Variants in WWP1 observed in about 807,000 individuals in gnomAD.
WWP1 encodes WW domain containing E3 ubiquitin protein ligase 1, also known as NEDD4-like E3 ubiquitin-protein ligase WWP1.
WWP1 carries 49 observed loss-of-function variants against 130.6 expected under a neutral mutation model. The ratio of observed to expected loss-of-function variants is 0.38; its 90% CI spans 0.30 to 0.48. WWP1 has a LOEUF of 0.48. Ranked by LOEUF, WWP1 falls within the 20% of genes least tolerant of loss-of-function variation. The pLI is 0.99. For synonymous variants in WWP1, 332 were observed against 367.8 expected (o/e 0.90, Z 1.11); for missense variants, 809 against 1,100.6 (o/e 0.74, Z 3.75).
intron 1 of WWP1, among the ~76,000 whole-genome samples, chr8:86,344,949 AT>A (rs1822483014): frequency 1.3e-5 from 2 of 152,020 alleles, no homozygotes; most frequent in African/African-American, 4.8e-5. Flanking sequence ...TCCACAGATG[AT>A]TTTGAATTGG....
In WWP1 at chr8:86,466,802, G is replaced by C; in HGVS notation, c.2678G>C (p.Arg893Pro). 6.4e-7 allele frequency: 1 copy of C among 1,571,314 alleles called. No individual in the cohort carries two copies. Among genetic ancestry groups the C allele is most frequent in the Admixed American group, 2.0e-5 (1 of 49,364 alleles). ...TTTTTGTTTCTGTTCAGTTTTAATC[G>C]CTTGGATCTACCACCATATAAGAGT... ...WLPRSHTCFNRLDLPPYKSYE... is the reference protein window; with the variant it reads ...WLPRSHTCFNPLDLPPYKSYE... The change falls in exon 25 of 25, where the codon CGC becomes CCC. Residue 893 changes from arginine to proline, a missense_variant. By Grantham distance (103) the Arg-to-Pro change is moderately radical. Coordinates refer to ENST00000517970, the MANE Select transcript of WWP1 (RefSeq NM_007013.4).
intron 21 of WWP1, 39 bp from the exon 22 acceptor site, chr8:86,457,882 A>G: frequency 6.3e-7 from 1 of 1,579,676 alleles, no homozygotes; most frequent in Non-Finnish European, 8.7e-7. Context: ...TCTCTTCACT[A>G]AATCTTTATT....
intron 5 of WWP1, among the ~76,000 whole-genome samples, chr8:86,389,658 T>G (rs920262380): frequency 1.3e-4 from 20 of 152,250 alleles, no homozygotes; most frequent in African/African-American, 2.4e-5. Context: ...CCGTTCTCAA[T>G]GAGCTGTTGG....
intron 1 of WWP1, among the ~76,000 whole-genome samples, chr8:86,357,060 G>A (rs1316692325): frequency 1.3e-5 from 2 of 151,326 alleles, no homozygotes; most frequent in Admixed American, 1.3e-4. Flanking sequence ...GAAAATAATT[G>A]TATAAATCAT....
chr8:86,373,519 G>T (rs1034169041), intron 2 of WWP1, among the ~76,000 whole-genome samples: 11 of 152,018 alleles, frequency 7.2e-5, no homozygotes, highest in African/African-American at 2.7e-4. Context: ...GTCTTGTCTG[G>T]ATAGAGATTT....
rs140197989 is a variant in WWP1, at chr8:86,465,182, G to C, written c.2670-1612G>C. Among the ~76,000 whole-genome samples the C allele has an allele frequency of 9.9e-3, 1,504 of 152,250 alleles. 28 individuals are homozygous for C. The highest frequency in any genetic ancestry group is 0.034 in the African/African-American group (1,429 of 41,544). On this transcript the variant is annotated intron_variant, in intron 24 of 24. Coordinates refer to ENST00000517970, the MANE Select transcript of WWP1 (RefSeq NM_007013.4). ...AAAATTGGATTGCTCACTTGGATTA[G>C]AGCATGAAACAAGTTGACAGCAAAG...
intron 1 of WWP1, among the ~76,000 whole-genome samples, chr8:86,365,252 T>C (rs1823906567): frequency 6.6e-6 from 1 of 152,194 alleles, no homozygotes; most frequent in Admixed American, 6.5e-5. Context: ...GAAAAATACA[T>C]TTTTCTCATA....
At chr8:86,465,853 TAAAATACAAAGAATACA>T (rs1563559476) in intron 24 of WWP1, among the ~76,000 whole-genome samples, 2 of 152,216 alleles carry the variant, frequency 1.3e-5, no homozygotes, top group Non-Finnish European at 2.9e-5. Context: ...TAACTTCATT[TAAAATACAAAGAATACA>T]GTCTTAGAAC....
At chr8:86,361,982 A>C (rs1214370323) in intron 1 of WWP1, among the ~76,000 whole-genome samples, 1 of 141,314 alleles carries the variant, frequency 7.1e-6, no homozygotes, top group Non-Finnish European at 1.5e-5. Context: ...GTGTATATAT[A>C]TATATATATA....
rs866505875 is a variant in WWP1 at position 86,372,027 on chromosome 8, T to G, written c.-21-2003T>G. Among the ~76,000 whole-genome samples the G allele has an allele frequency of 4.0e-3, 564 of 139,728 alleles. 8 individuals are homozygous for G. The East Asian group carries it at 0.063, about 16-fold the overall frequency. The allele number at this position is 139,728 out of a possible 152,430, so 91.7% of individuals were successfully genotyped here. On this transcript the variant is annotated intron_variant, in intron 2 of 24. Coordinates refer to ENST00000517970, the MANE Select transcript of WWP1 (RefSeq NM_007013.4). The stretch of plus-strand genomic sequence containing the variant: ...CTGGCTAATTTTTGTATTTTTTTTT[T>G]TTTTTTTTTTTTTTGAGACGGAGTT...
rs79187658 is a variant in WWP1 at position 86,465,296 on chromosome 8, G to C, written c.2670-1498G>C. Among the ~76,000 whole-genome samples the C allele has an allele frequency of 2.0e-3, 301 of 151,340 alleles. 1 individual carries two copies. Among genetic ancestry groups the C allele is most frequent in the African/African-American group, 7.1e-3 (294 of 41,350 alleles). On this transcript the variant is annotated intron_variant, in intron 24 of 24. Transcript: ENST00000517970. The stretch of plus-strand genomic sequence containing the variant: ...AGTTTTTGAAGAGTGGCATAAACTG[G>C]TATGTCTTTTTAGCAAAAAGTAAAA...
intron 1 of WWP1, among the ~76,000 whole-genome samples, chr8:86,353,703 G>A (rs1204519920): frequency 1.3e-5 from 2 of 152,058 alleles, no homozygotes; most frequent in Non-Finnish European, 2.9e-5. Flanking sequence ...GGCTGGTCTC[G>A]AACTCCTGAC....
chr8:86,390,810 A>G (rs955898886), intron 5 of WWP1, among the ~76,000 whole-genome samples: 4 of 152,104 alleles, frequency 2.6e-5, no homozygotes, highest in African/African-American at 9.7e-5. Flanking sequence ...TAGGAACCCA[A>G]TAGTCTACCA....
intron 9 of WWP1, among the ~76,000 whole-genome samples, chr8:86,415,345 AC>A (rs1168049620): frequency 1.3e-5 from 2 of 151,994 alleles, no homozygotes; most frequent in Non-Finnish European, 2.9e-5. Flanking sequence ...TGCAGTGAAA[AC>A]CCATACACTT....
At position 86,384,245 on chromosome 8, in the gene WWP1, G is replaced by C. The variant is rs191762280; in HGVS notation, c.334+2616G>C. Among the ~76,000 whole-genome samples, 4 of 152,180 alleles carry C rather than the reference G, an allele frequency of 2.6e-5. No individual in the cohort carries two copies. The East Asian group carries it at 7.8e-4, about 29-fold the overall frequency. On this transcript the variant is annotated intron_variant, in intron 5 of 24. Transcript: ENST00000517970. ...ACTGGGGAGTAAAACTTCAACATAC[G>C]AATTTGGTGGGGGACACAATTCAGC...
Position 86,380,839 on chromosome 8 carries a change from C to G in WWP1, c.184C>G (p.Pro62Ala). 6.2e-7 allele frequency: 1 copy of G among 1,612,376 alleles called. No individual in the cohort carries two copies. The highest frequency in any genetic ancestry group is 8.5e-7 in the Non-Finnish European group (1 of 1,179,248). The change falls in exon 4 of 25, where the codon CCA becomes GCA. Residue 62 changes from proline to alanine, a missense_variant. Pro to Ala is a conservative substitution (Grantham distance 27, BLOSUM62 -1). Coordinates refer to ENST00000517970, the MANE Select transcript of WWP1 (RefSeq NM_007013.4). Reference sequence around the variant, plus strand: ...AGCAAAATCCAGTAGTTCTTCTAATCCAAAATGGGATGAACAGCTAACTGT... The same window carrying G: ...AGCAAAATCCAGTAGTTCTTCTAATGCAAAATGGGATGAACAGCTAACTGT... ...KTAKSSSSSN[P>A]KWDEQLTVNV... is the part of the protein sequence containing the mutation.
chr8:86,430,060 G>A (rs1274847847), intron 11 of WWP1, among the ~76,000 whole-genome samples: 1 of 152,012 alleles, frequency 6.6e-6, no homozygotes, highest in Non-Finnish European at 1.5e-5. Context: ...TTAGCCGGGT[G>A]TGGTGGCGCA....
At chr8:86,348,624 A>T (rs537028710) in intron 1 of WWP1, among the ~76,000 whole-genome samples, 2 of 152,218 alleles carry the variant, frequency 1.3e-5, no homozygotes, top group Non-Finnish European at 2.9e-5. Flanking sequence ...GAGATGACAG[A>T]TATGAAGCCT....
chr8:86,429,093 C>T (rs543180634), intron 11 of WWP1, among the ~76,000 whole-genome samples: 6 of 152,180 alleles, frequency 3.9e-5, no homozygotes, highest in African/African-American at 9.7e-5. Context: ...CCATCCATAT[C>T]GCACTTCAGG....
Sources: gnomAD v4.1 joint callset for allele counts (sites outside exome capture counted in the v4.1 genomes callset) on GRCh38, gnomAD v4.1.1 for gene constraint, MANE v1.5 for transcripts, NCBI Gene and HGNC (gene_info 2026-07-23, HGNC 2026-07-21) for gene names.